The following GFRAL variants were observed in gnomAD, a reference collection of about 807,000 sequenced individuals.
GFRAL encodes GDNF family receptor alpha-like.
Under a neutral mutation model 45.4 loss-of-function variants are expected in GFRAL, and 36 were observed. That is an observed-to-expected ratio of 0.79 (90% CI 0.61 to 1.05). The LOEUF (loss-of-function observed/expected upper bound fraction) is 1.05, where lower values mean the gene tolerates loss of function less well. Among genes scored for constraint, GFRAL ranks in the 50% least tolerant of loss-of-function variants. GFRAL has a pLI of 0.00. For missense variants in GFRAL, 507 were observed against 467.5 expected, an observed-to-expected ratio of 1.08 and a Z score of -0.78; for synonymous variants, 166 against 154.1, an observed-to-expected ratio of 1.08 and a Z score of -0.57.
chr6:55,332,853 AAAGTAAATAGAAT>A (rs1391448996), intron 2 of GFRAL, among the ~76,000 whole-genome samples: 1 of 148,252 alleles, frequency 6.7e-6, no homozygotes, highest in Admixed American at 6.7e-5. Context: ...CAAATAGAAT[AAAGTAAATAGAAT>A]AAGTAAATAG....
chr6:55,393,427 G>A (rs16886670), intron 6 of GFRAL, among the ~76,000 whole-genome samples: 34,334 of 151,978 alleles, frequency 0.23, 5,248 homozygotes, highest in African/African-American at 0.44. Context: ...TTCTAAAAAA[G>A]ACGTTGAATT....
chr6:55,395,197 C>G (rs1768808779), intron 6 of GFRAL, among the ~76,000 whole-genome samples: 1 of 122,576 alleles, frequency 8.2e-6, no homozygotes, highest in African/African-American at 3.9e-5. Flanking sequence ...TATATATAAG[C>G]CAGCTAGGTA....
chr6:55,379,538 A>G (rs1451115562), intron 6 of GFRAL, among the ~76,000 whole-genome samples: 1 of 149,868 alleles, frequency 6.7e-6, no homozygotes, highest in Non-Finnish European at 1.5e-5. Context: ...TATAAAAATT[A>G]TATGTATTTA....
chr6:55,328,785 G>T (rs1222160733), intron 1 of GFRAL, among the ~76,000 whole-genome samples: 2 of 151,972 alleles, frequency 1.3e-5, no homozygotes, highest in Non-Finnish European at 2.9e-5. Flanking sequence ...ACACCAGGTT[G>T]CATGAAGGAG....
intron 5 of GFRAL, 78 bp downstream of exon 5, chr6:55,351,661 A>G (rs1768120049): frequency 2.0e-5 from 19 of 944,260 alleles, no homozygotes; most frequent in Non-Finnish European, 3.0e-5. Flanking sequence ...ACTTGATCTC[A>G]TAACATTAGC....
At chr6:55,356,090 A>G (rs1338969625) in intron 5 of GFRAL, among the ~76,000 whole-genome samples, 9 of 151,944 alleles carry the variant, frequency 5.9e-5, no homozygotes, top group Admixed American at 4.6e-4. Context: ...GGTCATGATG[A>G]AAAATCTTAA....
At chr6:55,397,522 C>T (rs1485386712) in intron 6 of GFRAL, among the ~76,000 whole-genome samples, 3 of 19,440 alleles carry the variant, frequency 1.5e-4, no homozygotes, top group Non-Finnish European at 3.1e-4. Flanking sequence ...GAGACTCCGT[C>T]TCAAAAAAAA....
At chr6:55,380,424 A>G (rs781548812) in intron 6 of GFRAL, among the ~76,000 whole-genome samples, 1 of 151,940 alleles carries the variant, frequency 6.6e-6, no homozygotes, top group Non-Finnish European at 1.5e-5. Context: ...AGAAATATAT[A>G]CAGAGTGTGT....
At chr6:55,344,905 A>G (rs1201485992) in intron 3 of GFRAL, among the ~76,000 whole-genome samples, 2 of 152,184 alleles carry the variant, frequency 1.3e-5, no homozygotes, top group Non-Finnish European at 2.9e-5. Flanking sequence ...TAATAGACAA[A>G]CAGAGAGCCA....
Position 55,390,895 on chromosome 6 carries a change from TACACACACACACAC to T in GFRAL, c.953-8259_953-8246del, listed in dbSNP as rs34769114. The stretch of plus-strand genomic sequence containing the variant: ...AGAGCGAGACTCCATCTCACACACA[TACACACACACACAC>T]ACACACACACACACACACACACACA... On this transcript the variant is annotated intron_variant, in intron 6 of 8. Transcript: ENST00000340465. Among the ~76,000 whole-genome samples the T allele has an allele frequency of 8.1e-5, 11 of 135,614 alleles. No homozygotes were observed. In the East Asian group the frequency reaches 2.4e-3, roughly 30 times the overall value. The allele number at this position is 135,614 out of a possible 152,430, so 89.0% of individuals were successfully genotyped here.
chr6:55,351,130 C>T lies in GFRAL; in HGVS notation c.371-123C>T, dbSNP rs1015194975. On this transcript the variant is annotated intron_variant, in intron 4 of 8. Transcript: ENST00000340465. Reference sequence around the variant, plus strand: ...CTTACTCTAAAAGATGTAATGTTTGCCAAAAATAGGACATTGGTACATCAT... The same window carrying T: ...CTTACTCTAAAAGATGTAATGTTTGTCAAAAATAGGACATTGGTACATCAT... The T allele has an allele frequency of 1.0e-5, 7 of 702,604 alleles. No homozygotes were observed. The African/African-American group carries it at 1.2e-4, about 12-fold the overall frequency. 43.5% of individuals were successfully genotyped at this position (702,604 alleles called of 1,614,324 possible).
In GFRAL at chr6:55,399,440, A is replaced by G. The variant is rs1207026029; in HGVS notation, c.1120A>G (p.Arg374Gly). Residue 374 changes from arginine to glycine, a missense_variant and splice_region_variant, in exon 8 of 9, where the codon AGA becomes GGA. Physicochemically the swap from Arg to Gly is moderately radical, Grantham distance 125. Transcript: ENST00000340465. ...GILLLVMVKL[R>G]TSRISSKARD... ...CCTTCTGTTGGTTATGGTCAAGCTT[A>G]GGTAACTGAATATAAATTAGAAGGA... 10 of 1,592,242 alleles carry G rather than the reference A, an allele frequency of 6.3e-6. No individual in the cohort carries two copies. Among genetic ancestry groups the G allele is most frequent in the Non-Finnish European group, 8.6e-6 (10 of 1,160,282 alleles).
intron 3 of GFRAL, among the ~76,000 whole-genome samples, chr6:55,343,059 C>T (rs1011952408): frequency 3.3e-5 from 5 of 152,150 alleles, no homozygotes; most frequent in Non-Finnish European, 7.3e-5. Context: ...GAGACTTAGA[C>T]TCCCACTCAA....
At chr6:55,390,917 C>CACAA (rs1442299054) in intron 6 of GFRAL, among the ~76,000 whole-genome samples, 1 of 151,588 alleles carries the variant, frequency 6.6e-6, no homozygotes. Context: ...CACACACACA[C>CACAA]ACACACACAC....
chr6:55,350,975 A>C (rs557235147), intron 4 of GFRAL, among the ~76,000 whole-genome samples: 21 of 152,220 alleles, frequency 1.4e-4, no homozygotes, highest in African/African-American at 5.1e-4. Context: ...AAAACCTTGG[A>C]CTGGGAGATT....
chr6:55,365,273 T>A (rs1347820036), intron 6 of GFRAL, among the ~76,000 whole-genome samples: 4 of 142,348 alleles, frequency 2.8e-5, no homozygotes, highest in Non-Finnish European at 6.1e-5. Context: ...TGCTTGTGAT[T>A]TTTGTACATT....
Position 55,333,930 on chromosome 6 carries a change from G to A in GFRAL, c.302G>A (p.Cys101Tyr), listed in dbSNP as rs1767861494. ...GTGAACAAACTGCTTGGAAAAAAAT[G>A]TATCAATAAATCAGGTAATATTTTG... ...CTVNKLLGKK[C>Y]INKSDNVKED... is the part of the protein sequence containing the mutation. The change falls in exon 3 of 9, where the codon TGT becomes TAT. Residue 101 changes from cysteine (C) to tyrosine (Y), a missense_variant. Physicochemically the swap from Cys to Tyr is radical, Grantham distance 194. Transcript: ENST00000340465. 1 of 1,537,260 alleles carries A rather than the reference G, an allele frequency of 6.5e-7. No homozygotes were observed. Among genetic ancestry groups the A allele is most frequent in the Admixed American group, 2.0e-5 (1 of 49,662 alleles).
rs781304511 is a variant in GFRAL at position 55,351,374 on chromosome 6, G to C, written c.492G>C (p.Leu164=). The C allele has an allele frequency of 2.0e-5, 33 of 1,613,542 alleles. No homozygotes were observed. In the Admixed American group the frequency reaches 5.2e-4, roughly 25 times the overall value. Residue 164 remains leucine, a synonymous_variant, in exon 5 of 9, where the codon CTG becomes CTC. Coordinates refer to ENST00000340465, the MANE Select transcript of GFRAL (RefSeq NM_207410.2). ...ACSANGNPCD[L]KQCQAAIRFF... is the part of the protein sequence containing the mutation. ...CAGCAAATGGAAATCCGTGTGATCT[G>C]AAACAGTGCCAAGCAGCCATACGGT...
chr6:55,375,398 G>A (rs1768510020), intron 6 of GFRAL, among the ~76,000 whole-genome samples: 1 of 152,216 alleles, frequency 6.6e-6, no homozygotes, highest in African/African-American at 2.4e-5. Flanking sequence ...GTAAATGCGA[G>A]TTTGTTCATA....
Sources: gnomAD v4.1 joint callset for allele counts (sites outside exome capture counted in the v4.1 genomes callset) on GRCh38, gnomAD v4.1.1 for gene constraint, MANE v1.5 for transcripts, NCBI Gene and HGNC (gene_info 2026-07-23, HGNC 2026-07-21) for gene names.